The following SEMA6A variants were observed in gnomAD, a reference collection of about 807,000 sequenced individuals.
SEMA6A encodes semaphorin-6A.
SEMA6A carries 25 observed loss-of-function variants against 96.8 expected under a neutral mutation model. The observed-to-expected ratio is 0.26, with a 90% CI of 0.19 to 0.36. The LOEUF (loss-of-function observed/expected upper bound fraction) is 0.36. Ranked by LOEUF, SEMA6A falls within the 10% of genes least tolerant of loss-of-function variation. SEMA6A has a pLI of 1.00. For synonymous variants in SEMA6A, 612 were observed against 518.0 expected (o/e 1.18, Z -2.46); for missense variants, 1,363 against 1,323.1 (o/e 1.03, Z -0.47).
At chr5:116,485,794 A>G (rs1203638841) in intron 10 of SEMA6A, among the ~76,000 whole-genome samples, 1 of 152,242 alleles carries the variant, frequency 6.6e-6, no homozygotes, top group Non-Finnish European at 1.5e-5. Flanking sequence ...AGAAATGAGA[A>G]CACAGTGCAT....
chr5:116,509,847 C>G (rs115291704), intron 1 of SEMA6A, among the ~76,000 whole-genome samples: 1 of 152,306 alleles, frequency 6.6e-6, no homozygotes, highest in African/African-American at 2.4e-5. Flanking sequence ...CAGCCACTCT[C>G]TGAGATCACC....
chr5:116,558,397 T>C (rs1561536063), intron 1 of SEMA6A, among the ~76,000 whole-genome samples: 1 of 152,312 alleles, frequency 6.6e-6, no homozygotes, highest in South Asian at 2.1e-4. Flanking sequence ...CAATCCATCA[T>C]CTAGGTTTTA....
At chr5:116,539,707 T>C (rs1759880221) in intron 1 of SEMA6A, among the ~76,000 whole-genome samples, 1 of 152,096 alleles carries the variant, frequency 6.6e-6, no homozygotes, top group Non-Finnish European at 1.5e-5. Flanking sequence ...AACTTGATCT[T>C]CACCACTAGA....
chr5:116,521,880 A>G (rs554264183), intron 1 of SEMA6A, among the ~76,000 whole-genome samples: 1 of 152,306 alleles, frequency 6.6e-6, no homozygotes, highest in Admixed American at 6.5e-5. Flanking sequence ...TATACACCAG[A>G]AAAAAAGTAT....
At chr5:116,493,686 G>A (rs557857241) in intron 6 of SEMA6A, among the ~76,000 whole-genome samples, 2 of 152,130 alleles carry the variant, frequency 1.3e-5, no homozygotes, top group Admixed American at 1.3e-4. Context: ...CACTGTACAT[G>A]CCAAAAAAAG....
At chr5:116,449,095 T>G (rs1457858059) in intron 18 of SEMA6A, among the ~76,000 whole-genome samples, 1 of 152,230 alleles carries the variant, frequency 6.6e-6, no homozygotes, top group Non-Finnish European at 1.5e-5. Flanking sequence ...TCTAATCAAA[T>G]GCAAACACAG....
At chr5:116,494,479 G>A (rs549174425) in intron 6 of SEMA6A, among the ~76,000 whole-genome samples, 8 of 152,250 alleles carry the variant, frequency 5.3e-5, no homozygotes, top group African/African-American at 1.7e-4. Context: ...TTGTGTTCCC[G>A]ATGTGGGAAC....
intron 1 of SEMA6A, among the ~76,000 whole-genome samples, chr5:116,506,465 T>C (rs936926671): frequency 6.6e-6 from 1 of 152,182 alleles, no homozygotes; most frequent in African/African-American, 2.4e-5. Flanking sequence ...ATGTATTTAT[T>C]AGACAGGTGA....
chr5:116,535,488 C>T (rs1759667064), intron 1 of SEMA6A, among the ~76,000 whole-genome samples: 1 of 152,160 alleles, frequency 6.6e-6, no homozygotes. Flanking sequence ...AGTATGTGAT[C>T]TTTGGAGTTT....
At chr5:116,515,885 A>G (rs983123554) in intron 1 of SEMA6A, among the ~76,000 whole-genome samples, 1 of 152,242 alleles carries the variant, frequency 6.6e-6, no homozygotes, top group African/African-American at 2.4e-5. Flanking sequence ...TGAGCTCTGA[A>G]TAACAGCCCC....
intron 6 of SEMA6A, among the ~76,000 whole-genome samples, chr5:116,494,257 G>C (rs115890671): frequency 3.9e-4 from 59 of 152,312 alleles, no homozygotes; most frequent in African/African-American, 1.2e-3. Flanking sequence ...CCATGCCTTT[G>C]TTCATGCTGT....
intron 5 of SEMA6A, 98 bp from the exon 6 acceptor site, chr5:116,495,612 G>T: frequency 1.3e-6 from 1 of 769,714 alleles, no homozygotes; most frequent in Admixed American, 2.5e-5. Flanking sequence ...GGTTAAAGTG[G>T]AGGTGGCTGA....
chr5:116,560,100 T>TG (rs1459411194), intron 1 of SEMA6A, among the ~76,000 whole-genome samples: 4 of 152,198 alleles, frequency 2.6e-5, no homozygotes, highest in Admixed American at 1.3e-4. Flanking sequence ...GCTTTGCTCC[T>TG]GCTTTTCCCT....
At chr5:116,556,522 C>G (rs978148486) in intron 1 of SEMA6A, among the ~76,000 whole-genome samples, 3 of 152,148 alleles carry the variant, frequency 2.0e-5, no homozygotes. Flanking sequence ...ATCAGACTCC[C>G]TTTATGAGGA....
At chr5:116,563,125 A>C (rs1760887165) in intron 1 of SEMA6A, among the ~76,000 whole-genome samples, 2 of 152,202 alleles carry the variant, frequency 1.3e-5, no homozygotes, top group Admixed American at 6.5e-5. Flanking sequence ...TTAGTACTTT[A>C]TAAAGGGTAC....
intron 1 of SEMA6A, among the ~76,000 whole-genome samples, chr5:116,551,101 A>C (rs1462618000): frequency 1.3e-5 from 2 of 152,148 alleles, no homozygotes; most frequent in Non-Finnish European, 2.9e-5. Flanking sequence ...GAGTGGCTTT[A>C]TGGAATTCAT....
intron 1 of SEMA6A, among the ~76,000 whole-genome samples, chr5:116,546,552 A>G (rs1760194473): frequency 6.6e-6 from 1 of 152,230 alleles, no homozygotes; most frequent in Admixed American, 6.5e-5. Flanking sequence ...GCACTCTGGT[A>G]TCAGGCCTGA....
At chr5:116,527,123 AGAT>A (rs1759262165) in intron 1 of SEMA6A, among the ~76,000 whole-genome samples, 1 of 152,178 alleles carries the variant, frequency 6.6e-6, no homozygotes, top group Non-Finnish European at 1.5e-5. Context: ...GGGTGTGAAA[AGAT>A]GATATTTATT....
intron 1 of SEMA6A, among the ~76,000 whole-genome samples, chr5:116,546,444 C>A (rs1760189487): frequency 6.6e-6 from 1 of 152,268 alleles, no homozygotes; most frequent in African/African-American, 2.4e-5. Context: ...TGTGTCCTCA[C>A]ATCTTGTGTC....
Sources: gnomAD v4.1 joint callset for allele counts (sites outside exome capture counted in the v4.1 genomes callset) on GRCh38, gnomAD v4.1.1 for gene constraint, MANE v1.5 for transcripts, NCBI Gene and HGNC (gene_info 2026-07-23, HGNC 2026-07-21) for gene names.